Variants in COX19 observed in about 807,000 individuals in gnomAD.
COX19 encodes cytochrome c oxidase assembly factor COX19.
In COX19, 8 loss-of-function variants were observed where a neutral mutation model predicts 6.8. That is an observed-to-expected ratio of 1.18 (90% CI 0.69 to 2.12). COX19 has a LOEUF of 2.12. COX19 is among the 30% of genes most tolerant of loss of function. The pLI is 0.00. For synonymous variants in COX19, 51 were observed against 38.0 expected (o/e 1.34, Z -1.26); for missense variants, 131 against 104.6 (o/e 1.25, Z -1.10).
intron 2 of COX19, among the ~76,000 whole-genome samples, chr7:970,475 C>A (rs1847619971): frequency 7.0e-6 from 1 of 142,672 alleles, no homozygotes; most frequent in South Asian, 2.3e-4. Flanking sequence ...CGGAGTCCTA[C>A]TCTGTTGCCC....
chr7:974,209 A>G (rs1233616066), intron 1 of COX19, among the ~76,000 whole-genome samples: 1 of 150,770 alleles, frequency 6.6e-6, no homozygotes, highest in Non-Finnish European at 1.5e-5. Context: ...AAATAAATAA[A>G]TAAATAATCC....
At chr7:975,017 G>C (rs944902260) in intron 1 of COX19, 2 of 166,064 alleles carry the variant, frequency 1.2e-5, no homozygotes, top group African/African-American at 4.8e-5. Flanking sequence ...AATACGGCCA[G>C]AAGCACTGGG....
intron 2 of COX19, among the ~76,000 whole-genome samples, chr7:970,048 GCAGC>G (rs1473819837): frequency 2.2e-4 from 33 of 149,722 alleles, no homozygotes; most frequent in African/African-American, 7.7e-4. Context: ...CAAGTTCACT[GCAGC>G]CTTGAACTCC....
At position 965,695 on chromosome 7, in the gene COX19, T is replaced by TGG. The variant is rs1395127519; in HGVS notation, c.*3681_*3682dup. On this transcript the variant is annotated 3_prime_UTR_variant, in exon 3 of 3. Transcript: ENST00000344111. ...CGGTTCTGTCGCCCAGGCTGGAGTG[T>TGG]GGTGGCACAATCCCTGCTCACTGCA... Among the ~76,000 whole-genome samples, 2 of 152,172 alleles carry TGG rather than the reference T, an allele frequency of 1.3e-5. No individual in the cohort carries two copies. Among genetic ancestry groups the TGG allele is most frequent in the African/African-American group, 4.8e-5 (2 of 41,446 alleles).
intron 2 of COX19, among the ~76,000 whole-genome samples, chr7:970,122 C>T (rs1371083086): frequency 6.6e-6 from 1 of 152,056 alleles, no homozygotes; most frequent in East Asian, 1.9e-4. Context: ...AGGTGTATGC[C>T]ACCATGCGTG....
chr7:969,646 G>A (rs1030176932), intron 2 of COX19, among the ~76,000 whole-genome samples, 190 bp from the exon 3 acceptor site: 1 of 152,110 alleles, frequency 6.6e-6, no homozygotes, highest in Non-Finnish European at 1.5e-5. Flanking sequence ...AGGACAATGA[G>A]GACATGACCA....
rs1312948042 is a variant in COX19, at chr7:969,371, T to C, written c.*7A>G. 8 of 1,587,374 alleles carry C rather than the reference T, an allele frequency of 5.0e-6. No homozygotes were observed. In the African/African-American group the frequency reaches 8.1e-5, roughly 16 times the overall value. On this transcript the variant is annotated 3_prime_UTR_variant, in exon 3 of 3. Transcript: ENST00000344111. Reference sequence around the variant, plus strand: ...TGAACACGGCCCAGGGGTCTTCTCATCAAAATTCATTTTTTTGCCTCTGAT... The same window carrying C: ...TGAACACGGCCCAGGGGTCTTCTCACCAAAATTCATTTTTTTGCCTCTGAT...
In COX19 at chr7:975,150, C is replaced by T. The variant is rs757263556; in HGVS notation, c.82+278G>A. The stretch of plus-strand genomic sequence containing the variant: ...CTGCAAACCCGGGGCACAGACAGCC[C>T]GCCGGGTGAGTCAGGGCGGAGCCGG... On this transcript the variant is annotated intron_variant, in intron 1 of 2. Transcript: ENST00000344111. The T allele has an allele frequency of 8.3e-4, 323 of 388,804 alleles. 1 individual carries two copies. Among genetic ancestry groups the T allele is most frequent in the Non-Finnish European group, 5.9e-4 (127 of 216,478 alleles). The allele number at this position is 388,804 out of a possible 1,614,324, so 24.1% of individuals were successfully genotyped here. A position where few individuals can be genotyped will look rare whatever the true frequency, so the allele number is the denominator to read the frequency against.
Position 968,643 on chromosome 7 carries a change from G to C in COX19, c.*735C>G, listed in dbSNP as rs929593554. On this transcript the variant is annotated 3_prime_UTR_variant, in exon 3 of 3. Coordinates refer to ENST00000344111, the MANE Select transcript of COX19 (RefSeq NM_001031617.3). The stretch of plus-strand genomic sequence containing the variant: ...GAACTCCGCTCAGGGCCCCTGCCAG[G>C]CTGTGCTGCGAACACGTGCCGGGGT... 12 of 152,296 alleles carry C rather than the reference G, an allele frequency of 7.9e-5. No homozygotes were observed. Among genetic ancestry groups the C allele is most frequent in the Non-Finnish European group, 1.3e-4 (9 of 68,068 alleles). 9.4% of individuals were successfully genotyped at this position (152,296 alleles called of 1,614,324 possible).
Position 969,250 on chromosome 7 carries a change from C to A in COX19, c.*128G>T. ...CTACCCAGGAGACGCCCCCACAGGG[C>A]TGGAGCTTCTATTCGAAGCCCATTT... On this transcript the variant is annotated 3_prime_UTR_variant, in exon 3 of 3. Transcript: ENST00000344111. The A allele has an allele frequency of 1.4e-6, 1 of 697,456 alleles. No individual in the cohort carries two copies. Among genetic ancestry groups the A allele is most frequent in the Non-Finnish European group, 2.6e-6 (1 of 388,942 alleles). 43.2% of individuals were successfully genotyped at this position (697,456 alleles called of 1,614,324 possible).
intron 2 of COX19, 149 bp from the exon 3 acceptor site, chr7:969,605 G>T: frequency 1.5e-6 from 1 of 672,336 alleles, no homozygotes; most frequent in Non-Finnish European, 2.6e-6. Flanking sequence ...GGCCCCCGTG[G>T]CTGGTGCCTT....
rs1847607726 is a variant in COX19, at chr7:969,603, T to C, written c.195-147A>G. The C allele has an allele frequency of 4.5e-6, 3 of 672,646 alleles. No homozygotes were observed. The South Asian group carries it at 5.1e-5, about 11-fold the overall frequency. 41.7% of individuals were successfully genotyped at this position (672,646 alleles called of 1,614,324 possible). On this transcript the variant is annotated intron_variant, in intron 2 of 2. Transcript: ENST00000344111. ...AGTGGCCCCTCGGCCTCGGCCCCCG[T>C]GGCTGGTGCCTTCCCCACTGGGCAG...
Position 967,229 on chromosome 7 carries a change from C to G in COX19, c.*2149G>C, listed in dbSNP as rs1190624736. 1 of 152,196 alleles carries G rather than the reference C, an allele frequency of 6.6e-6. No homozygotes were observed. The allele number at this position is 152,196 out of a possible 1,614,324, so 9.4% of individuals were successfully genotyped here. A position where few individuals can be genotyped will look rare whatever the true frequency, so the allele number is the denominator to read the frequency against. On this transcript the variant is annotated 3_prime_UTR_variant, in exon 3 of 3. Transcript: ENST00000344111. ...CGTACAGGAAAAAACAGCGCCTGGA[C>G]AGGATTCGGGACTATCCGCGGCTTC...
chr7:969,623 G>A (rs1026535337), intron 2 of COX19, among the ~76,000 whole-genome samples, 167 bp from the exon 3 acceptor site: 1 of 152,106 alleles, frequency 6.6e-6, no homozygotes, highest in Non-Finnish European at 1.5e-5. Flanking sequence ...CTTCCCCACT[G>A]GGCAGAGTCA....
chr7:973,142 T>A, intron 2 of COX19, 39 bp downstream of exon 2: 1 of 1,378,954 alleles, frequency 7.3e-7, no homozygotes, highest in Non-Finnish European at 9.7e-7. Context: ...TTAATTGGAG[T>A]AGTGGGAGGT....
At chr7:969,606 C>A (rs564340422) in intron 2 of COX19, 150 bp from the exon 3 acceptor site, 2 of 670,646 alleles carry the variant, frequency 3.0e-6, no homozygotes, top group Non-Finnish European at 2.6e-6. Context: ...GCCCCCGTGG[C>A]TGGTGCCTTC....
Position 965,457 on chromosome 7 carries a change from C to A in COX19, c.*3921G>T, listed in dbSNP as rs117333129. On this transcript the variant is annotated 3_prime_UTR_variant, in exon 3 of 3. Coordinates refer to ENST00000344111, the MANE Select transcript of COX19 (RefSeq NM_001031617.3). ...CAAGAGAACCAGAGGTGATACCGTGCCCTCAGGGACGCCCCCAGGTCGGTG... is the reference window on the plus strand; with the variant it reads ...CAAGAGAACCAGAGGTGATACCGTGACCTCAGGGACGCCCCCAGGTCGGTG... Among the ~76,000 whole-genome samples the A allele has an allele frequency of 1.4e-4, 22 of 152,324 alleles. No homozygotes were observed. Among genetic ancestry groups the A allele is most frequent in the Middle Eastern group, 3.4e-3 (1 of 294 alleles).
At chr7:973,428 T>C (rs1268356768) in intron 1 of COX19, 136 bp from the exon 2 acceptor site, 2 of 1,168,520 alleles carry the variant, frequency 1.7e-6, no homozygotes, top group African/African-American at 1.6e-5. Flanking sequence ...ACACCTGTAA[T>C]CCCAGCACTC....
At chr7:969,525 C>G in intron 2 of COX19, 69 bp from the exon 3 acceptor site, 3 of 1,008,654 alleles carry the variant, frequency 3.0e-6, no homozygotes, top group Non-Finnish European at 4.6e-6. Context: ...TTGCAGGCCC[C>G]GGCTTCCCAG....
Sources: gnomAD v4.1 joint callset for allele counts (sites outside exome capture counted in the v4.1 genomes callset) on GRCh38, gnomAD v4.1.1 for gene constraint, MANE v1.5 for transcripts, NCBI Gene and HGNC (gene_info 2026-07-23, HGNC 2026-07-21) for gene names.